VRK2: variants seen among roughly 807,000 people sequenced by gnomAD.
The protein encoded by VRK2 is VRK serine/threonine kinase 2, also known as serine/threonine-protein kinase VRK2.
VRK2 carries 60 observed loss-of-function variants against 57.6 expected under a neutral mutation model. The observed-to-expected ratio is 1.04, with a 90% CI of 0.85 to 1.29. The LOEUF is 1.29. VRK2 is among the 50% of genes most tolerant of loss of function. VRK2 has a pLI of 0.00. For synonymous variants in VRK2, 231 were observed against 199.2 expected (o/e 1.16, Z -1.35); for missense variants, 705 against 588.1 (o/e 1.20, Z -2.06).
chr2:57,909,652 T>C (rs1296864104), intron 1 of VRK2, among the ~76,000 whole-genome samples: 1 of 152,204 alleles, frequency 6.6e-6, no homozygotes, highest in African/African-American at 2.4e-5. Flanking sequence ...AAATTCATTT[T>C]TAATCATGAA....
At position 58,159,710 on chromosome 2, in the gene VRK2, C is replaced by T. The variant is rs1313033969; in HGVS notation, c.*17C>T. The T allele has an allele frequency of 7.4e-6, 12 of 1,611,510 alleles. No individual in the cohort carries two copies. Among genetic ancestry groups the T allele is most frequent in the Non-Finnish European group, 1.7e-6 (2 of 1,178,982 alleles). ...TTTCTCTGAAGATGATACCAAAATT[C>T]CTTTTGATAATTTTTTAAGTTTCCA... On this transcript the variant is annotated 3_prime_UTR_variant, in exon 13 of 13. Transcript: ENST00000340157.
intron 1 of VRK2, among the ~76,000 whole-genome samples, chr2:57,959,536 T>G (rs555295583): frequency 3.0e-4 from 45 of 152,300 alleles, no homozygotes; most frequent in Non-Finnish European, 5.3e-4. Flanking sequence ...AAAGCTCCAG[T>G]AAGCTTCTAG....
chr2:58,111,461 G>A (rs917385654), intron 7 of VRK2, among the ~76,000 whole-genome samples: 9 of 152,128 alleles, frequency 5.9e-5, no homozygotes, highest in African/African-American at 2.2e-4. Flanking sequence ...CATTTGAAAT[G>A]CATTAAGGAG....
rs1267233437 is a variant in VRK2, at chr2:58,123,034, C to T, written c.544-67C>T. Reference sequence around the variant, plus strand: ...TTCTTAACCTATCAGTTTCTTAAGACTTAATTATAAAGGTTATGTTTTCAG... The same window carrying T: ...TTCTTAACCTATCAGTTTCTTAAGATTTAATTATAAAGGTTATGTTTTCAG... On this transcript the variant is annotated intron_variant, in intron 7 of 12. Coordinates refer to ENST00000340157, the MANE Select transcript of VRK2 (RefSeq NM_006296.7). 5 of 1,528,050 alleles carry T rather than the reference C, an allele frequency of 3.3e-6. No individual in the cohort carries two copies. In the South Asian group the frequency reaches 3.8e-5, roughly 12 times the overall value. The allele number at this position is 1,528,050 out of a possible 1,614,324, so 94.7% of individuals were successfully genotyped here. A position where few individuals can be genotyped will look rare whatever the true frequency, so the allele number is the denominator to read the frequency against.
intron 11 of VRK2, among the ~76,000 whole-genome samples, chr2:58,145,441 T>C (rs1170981785): frequency 6.6e-6 from 1 of 151,918 alleles, no homozygotes; most frequent in Non-Finnish European, 1.5e-5. Flanking sequence ...GATAGAAAAC[T>C]AAGATTTTAA....
chr2:57,913,875 T>C (rs779295040), intron 1 of VRK2, among the ~76,000 whole-genome samples: 33 of 152,096 alleles, frequency 2.2e-4, no homozygotes, highest in Non-Finnish European at 4.4e-4. Context: ...ATAATATTTA[T>C]ATGTAAGTAT....
intron 1 of VRK2, among the ~76,000 whole-genome samples, chr2:57,942,285 GC>G (rs1340641421): frequency 5.3e-5 from 8 of 152,262 alleles, no homozygotes; most frequent in African/African-American, 1.7e-4. Context: ...AAATATTCGT[GC>G]CAAATTTTCC....
chr2:58,136,705 G>A (rs1479644543), intron 10 of VRK2, among the ~76,000 whole-genome samples: 1 of 150,534 alleles, frequency 6.6e-6, no homozygotes, highest in East Asian at 1.9e-4. Context: ...CTTTTACCAA[G>A]TTGTATAGTT....
intron 7 of VRK2, among the ~76,000 whole-genome samples, chr2:58,122,314 T>A (rs1355832876): frequency 6.6e-6 from 1 of 152,156 alleles, no homozygotes; most frequent in Non-Finnish European, 1.5e-5. Flanking sequence ...AGTCAAAAAT[T>A]TGCATAATTT....
At chr2:58,128,960 A>G (rs1047346656) in intron 8 of VRK2, among the ~76,000 whole-genome samples, 2 of 152,216 alleles carry the variant, frequency 1.3e-5, no homozygotes, top group Non-Finnish European at 2.9e-5. Flanking sequence ...ACCTGTGCCT[A>G]TTTCTTTCTA....
intron 9 of VRK2, among the ~76,000 whole-genome samples, chr2:58,132,504 A>G (rs1389639014): frequency 4.6e-5 from 7 of 152,222 alleles, no homozygotes; most frequent in Admixed American, 4.6e-4. Flanking sequence ...CTAGCATAAA[A>G]ATTAGGTCAG....
In VRK2 at chr2:58,139,681, T is replaced by C; in HGVS notation, c.872T>C (p.Phe291Ser). 1.2e-6 allele frequency: 2 copies of C among 1,610,246 alleles called. No individual in the cohort carries two copies. Among genetic ancestry groups the C allele is most frequent in the Non-Finnish European group, 1.7e-6 (2 of 1,178,606 alleles). Residue 291 changes from phenylalanine (F) to serine (S), a missense_variant, in exon 11 of 13, where the codon TTT (phenylalanine) becomes TCT (serine). Physicochemically the swap from Phe to Ser is radical, Grantham distance 155 (BLOSUM62 -2). Coordinates refer to ENST00000340157, the MANE Select transcript of VRK2 (RefSeq NM_006296.7). ...TAATTCACAGGTGAAATAGCCCAAT[T>C]TTTGGTATGTGCTCATAGTTTAGCA... ...SGSSCCEIAQ[F>S]LVCAHSLAYD...
intron 7 of VRK2, among the ~76,000 whole-genome samples, chr2:58,120,840 G>A (rs765760682): frequency 8.2e-5 from 12 of 147,224 alleles, no homozygotes; most frequent in Non-Finnish European, 1.2e-4. Flanking sequence ...CATAGATGGC[G>A]TGATCACATT....
intron 3 of VRK2, among the ~76,000 whole-genome samples, chr2:58,038,986 C>T (rs1165815710): frequency 1.3e-5 from 2 of 152,014 alleles, no homozygotes; most frequent in African/African-American, 4.8e-5. Flanking sequence ...TACATCTACA[C>T]TATGGAATAT....
At chr2:58,002,924 A>G (rs1383871721) in intron 1 of VRK2, among the ~76,000 whole-genome samples, 1 of 152,220 alleles carries the variant, frequency 6.6e-6, no homozygotes, top group Non-Finnish European at 1.5e-5. Context: ...AAAGAAAATC[A>G]ACACAGGGTC....
In VRK2 at chr2:58,056,205, C is replaced by G. The variant is rs575785235; in HGVS notation, c.136+7238C>G. ...CAGCTGTGGCCAAGAGAAGCTTTTC[C>G]TAATCGCCTTATAGCCGTTGCTTTT... is the stretch of plus-strand genomic sequence containing the variant. On this transcript the variant is annotated intron_variant, in intron 2 of 12. Transcript: ENST00000340157. Among the ~76,000 whole-genome samples the G allele has an allele frequency of 5.9e-5, 9 of 152,254 alleles. No homozygotes were observed. The South Asian group carries it at 1.7e-3, about 28-fold the overall frequency.
intron 1 of VRK2, among the ~76,000 whole-genome samples, chr2:57,918,978 T>C (rs1670246079): frequency 6.6e-6 from 1 of 152,258 alleles, no homozygotes; most frequent in Non-Finnish European, 1.5e-5. Flanking sequence ...TTTTAAAAGT[T>C]GAATGTGGGC....
chr2:58,057,958 C>T (rs562604252), intron 2 of VRK2, among the ~76,000 whole-genome samples: 1 of 152,072 alleles, frequency 6.6e-6, no homozygotes, highest in African/African-American at 2.4e-5. Flanking sequence ...TAGGAAAAAT[C>T]AACACGTTTT....
intron 2 of VRK2, among the ~76,000 whole-genome samples, chr2:58,028,628 T>G (rs1310922576): frequency 1.3e-5 from 2 of 151,010 alleles, no homozygotes; most frequent in African/African-American, 4.9e-5. Context: ...CAGCAAACTA[T>G]CGCAAGGACA....
Sources: allele counts gnomAD v4.1 joint callset (sites outside exome capture counted in the v4.1 genomes callset), GRCh38; gene constraint gnomAD v4.1.1; transcripts MANE v1.5; gene names NCBI Gene and HGNC (gene_info 2026-07-23, HGNC 2026-07-21).